PTPN1: variants seen among roughly 807,000 people sequenced by gnomAD.
The protein encoded by PTPN1 is tyrosine-protein phosphatase non-receptor type 1.
In PTPN1, 12 loss-of-function variants were observed where a neutral mutation model predicts 59.9. The ratio of observed to expected loss-of-function variants is 0.20; its 90% confidence interval spans 0.13 to 0.32. The LOEUF (loss-of-function observed/expected upper bound fraction) is 0.32. Ranked by LOEUF, PTPN1 falls within the 10% of genes least tolerant of loss-of-function variation. The probability of loss-of-function intolerance (pLI) is 1.00; values close to 1 mark genes in which losing one functional copy is unlikely to be tolerated. For synonymous variants in PTPN1, 178 were observed against 203.6 expected, an observed-to-expected ratio of 0.87 and a Z score of 1.07; for missense variants, 356 against 549.2, an observed-to-expected ratio of 0.65 and a Z score of 3.52.
rs1224073541 is a variant in PTPN1, at chr20:50,584,471, C to T, written c.*1756C>T. 6 of 152,584 alleles carry T rather than the reference C, an allele frequency of 3.9e-5. No homozygotes were observed. The highest frequency in any genetic ancestry group is 1.4e-4 in the African/African-American group (6 of 41,416). The allele number at this position is 152,584 out of a possible 1,614,324, so 9.5% of individuals were successfully genotyped here. ...TATGTTAGAGAGGTAGCGAGCTGCT[C>T]TGCTATATGCCTTAAGCCAATATTT... On this transcript the variant is annotated 3_prime_UTR_variant, in exon 10 of 10. Transcript: ENST00000371621.
In PTPN1 at chr20:50,568,285, T is replaced by G. The variant is rs2082788701; in HGVS notation, c.256-95T>G. On this transcript the variant is annotated intron_variant, in intron 3 of 9. Transcript: ENST00000371621. This position sits in a 1 kb window ranked among gnomAD's most constrained non-coding sequence, Gnocchi z 5.6. ...ACCACTCTGCCTAAGCTGTGGGGACTGAGGGCGCTGTCGTTAGCTGACTGC... is the reference window on the plus strand; with the variant it reads ...ACCACTCTGCCTAAGCTGTGGGGACGGAGGGCGCTGTCGTTAGCTGACTGC... 4 of 1,075,276 alleles carry G rather than the reference T, an allele frequency of 3.7e-6. No individual in the cohort carries two copies. The South Asian group carries it at 5.2e-5, about 14-fold the overall frequency. 66.6% of individuals were successfully genotyped at this position (1,075,276 alleles called of 1,614,324 possible). A position where few individuals can be genotyped will look rare whatever the true frequency, so the allele number is the denominator to read the frequency against.
chr20:50,511,273 G>T (rs2082506046), intron 1 of PTPN1, among the ~76,000 whole-genome samples: 1 of 152,194 alleles, frequency 6.6e-6, no homozygotes, highest in African/African-American at 2.4e-5. Flanking sequence ...GACAGGTGCT[G>T]TGAAGAGAAC....
At chr20:50,560,273 C>T (rs2082746228) in intron 1 of PTPN1, among the ~76,000 whole-genome samples, 1 of 152,072 alleles carries the variant, frequency 6.6e-6, no homozygotes, top group South Asian at 2.1e-4. Flanking sequence ...AGTTCATAGA[C>T]CTTCTGGTTT....
intron 1 of PTPN1, among the ~76,000 whole-genome samples, chr20:50,556,900 G>A (rs1051011944): frequency 2.6e-5 from 4 of 152,144 alleles, no homozygotes; most frequent in Non-Finnish European, 2.9e-5. Context: ...AGCCGATATC[G>A]CATTATTTCA....
intron 1 of PTPN1, among the ~76,000 whole-genome samples, chr20:50,516,235 T>TC (rs2122718270): frequency 6.6e-6 from 1 of 151,958 alleles, no homozygotes; most frequent in South Asian, 2.1e-4. Context: ...ATTTTTTTTT[T>TC]CAAACTATAA....
At chr20:50,510,669 TCCCTCTGGGTCTTG>T in intron 1 of PTPN1, 79 bp downstream of exon 1, 1 of 1,408,922 alleles carries the variant, frequency 7.1e-7, no homozygotes, top group African/African-American at 1.5e-5. Context: ...GGCCCCAGAC[TCCCTCTGGGTCTTG>T]CCCTCTGCCT....
intron 1 of PTPN1, among the ~76,000 whole-genome samples, chr20:50,541,110 G>T (rs1027342147): frequency 1.6e-4 from 25 of 152,230 alleles, no homozygotes; most frequent in African/African-American, 6.0e-4. Flanking sequence ...ACATTCTTCC[G>T]AGAAATGTTT....
chr20:50,585,033 A>ACTT lies in PTPN1; in HGVS notation c.*2319_*2321dup, dbSNP rs1479972695. 6.6e-6 allele frequency: 1 copy of ACTT among 152,142 alleles called. No individual in the cohort carries two copies. The highest frequency in any genetic ancestry group is 2.4e-5 in the African/African-American group (1 of 41,418). The allele number at this position is 152,142 out of a possible 1,614,324, so 9.4% of individuals were successfully genotyped here. ...TTTGCCTGTGTAGGGCCCTCAGATA[A>ACTT]CTTAACAAACTTACCAGTGTTGTTT... On this transcript the variant is annotated 3_prime_UTR_variant, in exon 10 of 10. Coordinates refer to ENST00000371621, the MANE Select transcript of PTPN1 (RefSeq NM_002827.4).
Position 50,582,569 on chromosome 20 carries a change from C to A in PTPN1, c.1285-123C>A. On this transcript the variant is annotated intron_variant, in intron 9 of 9. Coordinates refer to ENST00000371621, the MANE Select transcript of PTPN1 (RefSeq NM_002827.4). The surrounding 1 kb of genome is among the most constrained non-coding windows in gnomAD (Gnocchi z 4.2). ...GAGGGGGCTACTGTAAAAAATAAAACCAAAACCCCCTTTGCTCCCTCGGAG... is the reference window on the plus strand; with the variant it reads ...GAGGGGGCTACTGTAAAAAATAAAAACAAAACCCCCTTTGCTCCCTCGGAG... 1 of 1,002,410 alleles carries A rather than the reference C, an allele frequency of 1.0e-6. No homozygotes were observed. Among genetic ancestry groups the A allele is most frequent in the Non-Finnish European group, 1.5e-6 (1 of 674,810 alleles). 62.1% of individuals were successfully genotyped at this position (1,002,410 alleles called of 1,614,324 possible). A position where few individuals can be genotyped will look rare whatever the true frequency, so the allele number is the denominator to read the frequency against.
At chr20:50,554,380 A>ATTCTCTCTC (rs11481722) in intron 1 of PTPN1, among the ~76,000 whole-genome samples, 1,777 of 140,268 alleles carry the variant, frequency 0.013, 79 homozygotes, top group African/African-American at 0.042. Flanking sequence ...GCAAGACCAC[A>ATTCTCTCTC]TCTCTCTCTC....
rs199651909 is a variant in PTPN1 at position 50,578,491 on chromosome 20, A to G, written c.564A>G (p.Pro188=). ...CTGACTTTGGAGTCCCTGAATCACC[A>G]GCCTCATTCTTGAACTTTCTTTTCA... ...TWPDFGVPES[P]ASFLNFLFKV... is the part of the protein sequence containing the mutation. Residue 188 remains proline (P), a synonymous_variant, in exon 6 of 10, where the codon CCA becomes CCG. Coordinates refer to ENST00000371621, the MANE Select transcript of PTPN1 (RefSeq NM_002827.4). 1 of 1,614,222 alleles carries G rather than the reference A, an allele frequency of 6.2e-7. No homozygotes were observed. Among genetic ancestry groups the G allele is most frequent in the Admixed American group, 1.7e-5 (1 of 60,032 alleles).
intron 1 of PTPN1, among the ~76,000 whole-genome samples, chr20:50,520,262 T>C (rs1371433577): frequency 6.6e-6 from 1 of 151,324 alleles, no homozygotes. Context: ...TCCCAGCTAC[T>C]CAGGAGGCTG....
At chr20:50,579,138 G>A (rs1410992727) in intron 6 of PTPN1, 30 bp from the exon 7 acceptor site, 2 of 1,611,008 alleles carry the variant, frequency 1.2e-6, no homozygotes, top group East Asian at 2.2e-5. Flanking sequence ...ATTGGACCTG[G>A]CTGACTTATA....
chr20:50,520,739 G>A (rs181851661), intron 1 of PTPN1, among the ~76,000 whole-genome samples: 29 of 152,308 alleles, frequency 1.9e-4, no homozygotes, highest in African/African-American at 5.1e-4. Context: ...CTGAGCATGT[G>A]CACTCACAGG....
At chr20:50,515,219 T>C (rs1042772928) in intron 1 of PTPN1, among the ~76,000 whole-genome samples, 1 of 152,234 alleles carries the variant, frequency 6.6e-6, no homozygotes, top group Non-Finnish European at 1.5e-5. Context: ...GCTTCCATTC[T>C]AGCCAGACAA....
At chr20:50,574,739 G>A in intron 5 of PTPN1, 85 bp downstream of exon 5, 4 of 1,469,034 alleles carry the variant, frequency 2.7e-6, no homozygotes, top group Non-Finnish European at 9.2e-7. Context: ...ATTACCTAAT[G>A]TCAGTGTTCC....
At chr20:50,529,984 C>G (rs758498275) in intron 1 of PTPN1, among the ~76,000 whole-genome samples, 1 of 152,084 alleles carries the variant, frequency 6.6e-6, no homozygotes, top group Non-Finnish European at 1.5e-5. Context: ...AAGCGATTCT[C>G]GTGCCTCAGC....
intron 1 of PTPN1, among the ~76,000 whole-genome samples, chr20:50,532,891 G>A (rs926472819): frequency 3.9e-5 from 6 of 152,112 alleles, no homozygotes; most frequent in African/African-American, 7.2e-5. Flanking sequence ...CTGAGAAATA[G>A]GATTAGGCTG....
intron 1 of PTPN1, among the ~76,000 whole-genome samples, chr20:50,555,635 C>A (rs2082722759): frequency 6.6e-6 from 1 of 151,934 alleles, no homozygotes; most frequent in Admixed American, 6.6e-5. Flanking sequence ...ATTTTAAAAT[C>A]TGTTTTTTAA....
Sources: allele counts gnomAD v4.1 joint callset (sites outside exome capture counted in the v4.1 genomes callset), GRCh38; gene constraint gnomAD v4.1.1; non-coding constraint Gnocchi (gnomAD v3.1); transcripts MANE v1.5; gene names NCBI Gene and HGNC (gene_info 2026-07-23, HGNC 2026-07-21).